LYPLA1: variants seen among roughly 807,000 people sequenced by gnomAD.
LYPLA1 encodes lysophospholipase 1.
A neutral mutation model predicts 34.0 loss-of-function variants in LYPLA1; 17 were observed. That is an observed-to-expected ratio of 0.50 (90% CI 0.34 to 0.75). LYPLA1 has a LOEUF of 0.75. Ranked by LOEUF, LYPLA1 falls within the 30% of genes least tolerant of loss-of-function variation. The pLI, the probability that LYPLA1 is intolerant of heterozygous loss-of-function variation, is 0.01. For synonymous variants in LYPLA1, 98 were observed against 100.8 expected (o/e 0.97, Z 0.17); for missense variants, 203 against 288.8 (o/e 0.70, Z 2.15).
At chr8:54,062,931 G>A (rs1291602826) in intron 4 of LYPLA1, among the ~76,000 whole-genome samples, 1 of 152,206 alleles carries the variant, frequency 6.6e-6, no homozygotes, top group African/African-American at 2.4e-5. Context: ...ACAGTAAAGT[G>A]CAGAGGGAAT....
intron 5 of LYPLA1, among the ~76,000 whole-genome samples, chr8:54,060,156 A>G (rs1329488305): frequency 6.6e-6 from 1 of 150,832 alleles, no homozygotes; most frequent in East Asian, 2.0e-4. Context: ...ACGGAGTTTC[A>G]CTCTTGTTGC....
At chr8:54,100,739 GA>G in intron 2 of LYPLA1, 168 bp downstream of exon 2, 1 of 622,510 alleles carries the variant, frequency 1.6e-6, no homozygotes, top group Non-Finnish European at 2.9e-6. Context: ...ATGATAAGGG[GA>G]AAATTCTGAG....
rs1162260140 is a variant in LYPLA1, at chr8:54,088,568, G to C, written c.101+12340C>G. On this transcript the variant is annotated intron_variant, in intron 2 of 8. Coordinates refer to ENST00000316963, the MANE Select transcript of LYPLA1 (RefSeq NM_006330.4). ...AAAACTGTCCTGGAGTTCTTCAAGG[G>C]TTAAACATAGAGCTACCATTGACTT... is the stretch of plus-strand genomic sequence containing the variant. Among the ~76,000 whole-genome samples, 3 of 152,148 alleles carry C rather than the reference G, an allele frequency of 2.0e-5. No homozygotes were observed. The East Asian group carries it at 5.8e-4, about 29-fold the overall frequency.
chr8:54,101,461 A>T (rs1810143949), intron 1 of LYPLA1: 3 of 1,101,998 alleles, frequency 2.7e-6, no homozygotes, highest in Non-Finnish European at 3.3e-6. Flanking sequence ...ACCAGGCAGA[A>T]ACACGCTGCA....
intron 2 of LYPLA1, among the ~76,000 whole-genome samples, chr8:54,096,955 TC>T (rs1483102945): frequency 6.6e-6 from 1 of 151,170 alleles, no homozygotes; most frequent in Non-Finnish European, 1.5e-5. Flanking sequence ...TAAATCTGAG[TC>T]CATACTAACT....
intron 2 of LYPLA1, among the ~76,000 whole-genome samples, chr8:54,084,124 G>GAAAAAAA (rs201545035): frequency 7.1e-5 from 4 of 56,382 alleles, no homozygotes; most frequent in African/African-American, 3.6e-4. Context: ...GGAGACCAAA[G>GAAAAAAA]AAAAAAAAAA....
At chr8:54,069,083 A>G (rs1173805531) in intron 2 of LYPLA1, among the ~76,000 whole-genome samples, 4 of 152,366 alleles carry the variant, frequency 2.6e-5, no homozygotes, top group Non-Finnish European at 1.5e-5. Flanking sequence ...ATTAGTCATT[A>G]AGGAAACATA....
chr8:54,090,062 G>C (rs889328604), intron 2 of LYPLA1, among the ~76,000 whole-genome samples: 6 of 152,210 alleles, frequency 3.9e-5, no homozygotes, highest in African/African-American at 1.4e-4. Context: ...AATCACGGAG[G>C]ATTCACATCA....
intron 2 of LYPLA1, among the ~76,000 whole-genome samples, chr8:54,070,228 T>C (rs1056527800): frequency 4.6e-5 from 7 of 152,192 alleles, no homozygotes; most frequent in African/African-American, 1.2e-4. Flanking sequence ...GGCAGGAGAA[T>C]TGCTGGAACC....
At position 54,083,021 on chromosome 8, in the gene LYPLA1, C is replaced by T. The variant is rs138966333; in HGVS notation, c.102-17208G>A. Reference sequence around the variant, plus strand: ...GATCACAGACATGAGCCACCGCACCCGGTCTCATTGTACAGTCTTATAAAA... The same window carrying T: ...GATCACAGACATGAGCCACCGCACCTGGTCTCATTGTACAGTCTTATAAAA... On this transcript the variant is annotated intron_variant, in intron 2 of 8. Coordinates refer to ENST00000316963, the MANE Select transcript of LYPLA1 (RefSeq NM_006330.4). Among the ~76,000 whole-genome samples the T allele has an allele frequency of 4.9e-3, 750 of 152,246 alleles. 3 individuals carry two copies. The highest frequency in any genetic ancestry group is 0.016 in the African/African-American group (660 of 41,536).
chr8:54,096,353 G>A (rs964958198), intron 2 of LYPLA1, among the ~76,000 whole-genome samples: 3 of 152,116 alleles, frequency 2.0e-5, no homozygotes, highest in Admixed American at 1.3e-4. Context: ...TAATTCCAGG[G>A]AGGGACTGGG....
chr8:54,061,968 G>A (rs1000626040), intron 5 of LYPLA1, among the ~76,000 whole-genome samples: 1 of 152,118 alleles, frequency 6.6e-6, no homozygotes, highest in African/African-American at 2.4e-5. Context: ...CAACTATCCT[G>A]CTTCATCCTC....
chr8:54,043,479 C>T (rs561240230), downstream of LYPLA1, among the ~76,000 whole-genome samples: 18 of 151,692 alleles, frequency 1.2e-4, no homozygotes, highest in Admixed American at 1.2e-3. Flanking sequence ...TTTCACCATA[C>T]TGGCCAGGCT....
At chr8:54,056,516 A>C (rs1806216437) in intron 5 of LYPLA1, among the ~76,000 whole-genome samples, 1 of 152,204 alleles carries the variant, frequency 6.6e-6, no homozygotes, top group Non-Finnish European at 1.5e-5. Flanking sequence ...AACCCACAGA[A>C]TGGGAGAAAA....
At chr8:54,100,834 A>C in intron 2 of LYPLA1, 74 bp downstream of exon 2, 8 of 1,203,828 alleles carry the variant, frequency 6.6e-6, no homozygotes, top group Non-Finnish European at 9.9e-6. Flanking sequence ...TTAAACATTA[A>C]ACCTTTGAAC....
chr8:54,083,357 CA>C (rs1808451211), intron 2 of LYPLA1, among the ~76,000 whole-genome samples: 1 of 152,140 alleles, frequency 6.6e-6, no homozygotes, highest in Admixed American at 6.6e-5. Context: ...AACTCTCATG[CA>C]AGCTAAAAAT....
intron 2 of LYPLA1, among the ~76,000 whole-genome samples, chr8:54,080,921 T>G (rs1808269200): frequency 6.6e-6 from 1 of 152,234 alleles, no homozygotes; most frequent in South Asian, 2.1e-4. Context: ...TTTAGAATTG[T>G]TATTAATACA....
intron 2 of LYPLA1, among the ~76,000 whole-genome samples, chr8:54,078,465 C>T (rs557395746): frequency 8.3e-4 from 127 of 152,270 alleles, no homozygotes; most frequent in African/African-American, 1.7e-3. Context: ...CAATTTACAA[C>T]GGTTAGACTC....
intron 2 of LYPLA1, among the ~76,000 whole-genome samples, chr8:54,092,112 A>G (rs1809326562): frequency 7.0e-6 from 1 of 143,002 alleles, no homozygotes; most frequent in Non-Finnish European, 1.5e-5. Flanking sequence ...GAAGAGGGGG[A>G]GGGGGAGGCA....
Sources: gnomAD v4.1 joint callset for allele counts (sites outside exome capture counted in the v4.1 genomes callset) on GRCh38, gnomAD v4.1.1 for gene constraint, MANE v1.5 for transcripts, NCBI Gene and HGNC (gene_info 2026-07-23, HGNC 2026-07-21) for gene names.